Variants in SMARCC1 observed in about 807,000 individuals in gnomAD.
SMARCC1 encodes SWI/SNF related BAF chromatin remodeling complex subunit C1.
Under a neutral mutation model 147.4 loss-of-function variants are expected in SMARCC1, and 43 were observed. The ratio of observed to expected loss-of-function variants is 0.29; its 90% CI spans 0.23 to 0.38. The LOEUF is 0.38. Among genes scored for constraint, SMARCC1 ranks in the 10% least tolerant of loss-of-function variants. SMARCC1 has a pLI of 1.00. For missense variants in SMARCC1, 1,119 were observed against 1,381.1 expected, an observed-to-expected ratio of 0.81 and a Z score of 3.01; for synonymous variants, 495 against 484.4, an observed-to-expected ratio of 1.02 and a Z score of -0.29.
At chr3:47,667,255 T>G (rs2033432967) in intron 19 of SMARCC1, among the ~76,000 whole-genome samples, 1 of 150,954 alleles carries the variant, frequency 6.6e-6, no homozygotes, top group South Asian at 2.1e-4. Flanking sequence ...GAGGCGGAGC[T>G]TGCAGTGAGC....
chr3:47,740,503 G>A (rs2034497306), intron 3 of SMARCC1, among the ~76,000 whole-genome samples: 1 of 150,806 alleles, frequency 6.6e-6, no homozygotes, highest in Non-Finnish European at 1.5e-5. Flanking sequence ...CCCACACCCG[G>A]CTAATTTTTG....
At chr3:47,721,236 G>T (rs889103236) in intron 6 of SMARCC1, among the ~76,000 whole-genome samples, 3 of 152,068 alleles carry the variant, frequency 2.0e-5, no homozygotes, top group Non-Finnish European at 4.4e-5. Flanking sequence ...AAGCTGTAAA[G>T]TGCTACATCA....
chr3:47,780,136 A>T (rs1254861075), intron 1 of SMARCC1, among the ~76,000 whole-genome samples: 5 of 149,252 alleles, frequency 3.4e-5, no homozygotes, highest in African/African-American at 1.2e-4. Flanking sequence ...GAAAGAAAGA[A>T]ATGATCATTT....
intron 2 of SMARCC1, among the ~76,000 whole-genome samples, chr3:47,770,000 C>A (rs1046108553): frequency 3.3e-5 from 5 of 149,800 alleles, no homozygotes; most frequent in African/African-American, 1.2e-4. Context: ...CCGAGGCAGG[C>A]AGATCACGAG....
chr3:47,737,822 A>ATTTT (rs71070219), intron 4 of SMARCC1, among the ~76,000 whole-genome samples: 3 of 133,634 alleles, frequency 2.2e-5, no homozygotes, highest in Admixed American at 1.6e-4. Context: ...CGTGCGGCTA[A>ATTTT]TTTTTTTTTT....
intron 22 of SMARCC1, among the ~76,000 whole-genome samples, chr3:47,637,598 G>A (rs2032987710): frequency 6.6e-6 from 1 of 152,100 alleles, no homozygotes; most frequent in East Asian, 1.9e-4. Flanking sequence ...TGTAATCCCA[G>A]CTACTTGGGA....
chr3:47,596,661 C>T (rs2106646366), intron 26 of SMARCC1, among the ~76,000 whole-genome samples: 1 of 152,012 alleles, frequency 6.6e-6, no homozygotes, highest in Admixed American at 6.5e-5. Context: ...CTCCTGGGCT[C>T]ACGTGATTCT....
At chr3:47,724,420 A>G (rs1015839386) in intron 6 of SMARCC1, among the ~76,000 whole-genome samples, 2 of 152,258 alleles carry the variant, frequency 1.3e-5, no homozygotes, top group Non-Finnish European at 2.9e-5. Context: ...TAGGTTATCT[A>G]GAGTAGTCGA....
At chr3:47,661,189 A>T in intron 21 of SMARCC1, 105 bp downstream of exon 21, 1 of 941,784 alleles carries the variant, frequency 1.1e-6, no homozygotes. Context: ...GTTTATACTG[A>T]TCATTGTACT....
chr3:47,635,114 T>C (rs939408758), intron 24 of SMARCC1, 76 bp downstream of exon 24: 96 of 1,294,628 alleles, frequency 7.4e-5, no homozygotes, highest in Non-Finnish European at 8.7e-6. Flanking sequence ...TTATACTAAA[T>C]GTTCCCAATT....
intron 14 of SMARCC1, among the ~76,000 whole-genome samples, chr3:47,684,949 T>C (rs1002383773): frequency 6.6e-6 from 1 of 152,190 alleles, no homozygotes; most frequent in South Asian, 2.1e-4. Context: ...AGAACAAGTA[T>C]AACAATTTAT....
At chr3:47,763,660 A>AT (rs1380552449) in intron 2 of SMARCC1, among the ~76,000 whole-genome samples, 3 of 151,538 alleles carry the variant, frequency 2.0e-5, no homozygotes, top group African/African-American at 7.3e-5. Context: ...TAAGAAAAAA[A>AT]ATATATATAT....
intron 2 of SMARCC1, among the ~76,000 whole-genome samples, chr3:47,758,667 C>T (rs1228960770): frequency 6.6e-6 from 1 of 152,170 alleles, no homozygotes; most frequent in Middle Eastern, 3.2e-3. Context: ...ACAGAGCCTA[C>T]AGGCCTAAAA....
intron 2 of SMARCC1, among the ~76,000 whole-genome samples, chr3:47,765,279 C>A (rs185071245): frequency 1.3e-5 from 2 of 150,022 alleles, no homozygotes; most frequent in Non-Finnish European, 1.5e-5. Flanking sequence ...AAAAAAAAAA[C>A]GGCAAGGAAA....
At chr3:47,664,219 G>A (rs1404997304) in intron 19 of SMARCC1, among the ~76,000 whole-genome samples, 1 of 146,970 alleles carries the variant, frequency 6.8e-6, no homozygotes, top group Non-Finnish European at 1.5e-5. Flanking sequence ...ATAGCATAAT[G>A]AGATACTTAG....
intron 19 of SMARCC1, among the ~76,000 whole-genome samples, chr3:47,665,307 G>A (rs1262269960): frequency 2.0e-5 from 3 of 152,086 alleles, no homozygotes; most frequent in Non-Finnish European, 4.4e-5. Context: ...GGTAGTTCGA[G>A]AAGGAATTAC....
rs186250793 is a variant in SMARCC1, at chr3:47,688,429, A to G, written c.1263+958T>C. Reference sequence around the variant, plus strand: ...TCATCCTTGAATGTATACAACAATGATAAGGATCATCTTAGGGAATTTCTT... The same window carrying G: ...TCATCCTTGAATGTATACAACAATGGTAAGGATCATCTTAGGGAATTTCTT... On this transcript the variant is annotated intron_variant, in intron 13 of 27. Transcript: ENST00000254480. 7.9e-3 allele frequency among the ~76,000 whole-genome samples: 1,197 copies of G among 152,152 alleles called. 8 individuals carry two copies. The highest frequency in any genetic ancestry group is 0.014 in the Middle Eastern group (4 of 294).
intron 1 of SMARCC1, among the ~76,000 whole-genome samples, chr3:47,774,864 TGG>T (rs2034956117): frequency 6.6e-6 from 1 of 151,948 alleles, no homozygotes; most frequent in Non-Finnish European, 1.5e-5. Flanking sequence ...TGGAATACAG[TGG>T]TGTAATGACA....
At chr3:47,638,878 G>A in intron 21 of SMARCC1, 98 bp from the exon 22 acceptor site, 1 of 830,458 alleles carries the variant, frequency 1.2e-6, no homozygotes, top group Non-Finnish European at 2.1e-6. Context: ...AATATATACA[G>A]TAATACATAA....
Sources: allele counts gnomAD v4.1 joint callset (sites outside exome capture counted in the v4.1 genomes callset), GRCh38; gene constraint gnomAD v4.1.1; transcripts MANE v1.5; gene names NCBI Gene and HGNC (gene_info 2026-07-23, HGNC 2026-07-21).